Variants in CHD1L observed in about 807,000 individuals in gnomAD.
CHD1L encodes the protein chromodomain helicase DNA binding protein 1 like, also known as ATP-dependent chromatin remodeler CHD1L.
CHD1L carries 118 observed loss-of-function variants against 115.9 expected under a neutral mutation model. The observed-to-expected ratio is 1.02, with a 90% CI of 0.88 to 1.19. The LOEUF (loss-of-function observed/expected upper bound fraction) is 1.19. Ranked by LOEUF, CHD1L falls within the 50% of genes most tolerant of loss-of-function variation. CHD1L has a pLI of 0.00. For synonymous variants in CHD1L, 411 were observed against 387.1 expected, an observed-to-expected ratio of 1.06 and a Z score of -0.72; for missense variants, 1,179 against 1,065.3, an observed-to-expected ratio of 1.11 and a Z score of -1.49.
At chr1:147,187,345 C>T in the CHD1L span, 1 of 786,720 alleles carries the variant, frequency 1.3e-6, no homozygotes. Flanking sequence ...CAATATCAGA[C>T]TAGGAGCTGT....
In CHD1L at chr1:147,294,517, T is replaced by C. The variant is rs782541065; in HGVS notation, c.2615T>C (p.Ile872Thr). ...HLAARGIPTY[I>T]YYFPRSKSAV... is the part of the protein sequence containing the mutation. ...GCTGCAAGAGGCATCCCAACTTACA[T>C]GTATCCTTTTGTGATCTTCATTGTG... Residue 872 changes from isoleucine (I) to threonine (T), a missense_variant and splice_region_variant, in exon 22 of 23, where the codon ATA becomes ACA. Ile to Thr is a moderately conservative substitution (Grantham distance 89). Transcript: ENST00000369258. 8 of 1,607,068 alleles carry C rather than the reference T, an allele frequency of 5.0e-6. No homozygotes were observed. The highest frequency in any genetic ancestry group is 2.2e-5 in the East Asian group (1 of 44,642).
the CHD1L span, among the ~76,000 whole-genome samples, chr1:147,216,403 C>T: frequency 6.6e-6 from 1 of 151,680 alleles, no homozygotes; most frequent in Non-Finnish European, 1.5e-5. Flanking sequence ...CAGAAAGTTA[C>T]TAACACTGAG....
intron 12 of CHD1L, among the ~76,000 whole-genome samples, chr1:147,274,863 T>C (rs1446479393): frequency 6.6e-6 from 1 of 152,196 alleles, no homozygotes; most frequent in Admixed American, 6.5e-5. Flanking sequence ...AGGAGTATAA[T>C]ATCATCCACT....
chr1:147,257,273 A>T (rs1163552363), intron 5 of CHD1L, among the ~76,000 whole-genome samples: 1 of 152,156 alleles, frequency 6.6e-6, no homozygotes, highest in Non-Finnish European at 1.5e-5. Flanking sequence ...TTGTTTTCAA[A>T]GTATTTTATC....
the CHD1L span, among the ~76,000 whole-genome samples, chr1:147,198,854 A>AG: frequency 1.4e-5 from 2 of 143,620 alleles, 1 homozygote; most frequent in Admixed American, 1.4e-4. Flanking sequence ...GCATCTCAAA[A>AG]AAAAAAAAAA....
intron 12 of CHD1L, among the ~76,000 whole-genome samples, chr1:147,273,563 C>G (rs587740030): frequency 1.4e-4 from 21 of 152,278 alleles, no homozygotes; most frequent in African/African-American, 4.8e-4. Context: ...GATCAGTTGC[C>G]TCAGGGTTAG....
At chr1:147,276,302 C>T (rs781802941) in intron 14 of CHD1L, 45 bp downstream of exon 14, 1 of 1,591,864 alleles carries the variant, frequency 6.3e-7, no homozygotes, top group Non-Finnish European at 8.6e-7. Flanking sequence ...ATACCAATAC[C>T]CTTTGTGGAG....
At chr1:147,283,281 T>C (rs1049465347) in intron 15 of CHD1L, among the ~76,000 whole-genome samples, 2 of 152,212 alleles carry the variant, frequency 1.3e-5, no homozygotes, top group Non-Finnish European at 2.9e-5. Flanking sequence ...TGGGTACAAG[T>C]GTGAAGCAAT....
intron 13 of CHD1L, 109 bp downstream of exon 13, chr1:147,275,577 C>G: frequency 1.3e-6 from 1 of 793,460 alleles, no homozygotes; most frequent in Non-Finnish European, 2.1e-6. Context: ...GCTGAGAGAC[C>G]ACCAGGTTTT....
the CHD1L span, among the ~76,000 whole-genome samples, chr1:147,229,662 C>G: frequency 9.7e-4 from 147 of 152,116 alleles, 5 homozygotes; most frequent in South Asian, 0.029. Flanking sequence ...TCTTCCATTT[C>G]TTTGTATCCT....
At chr1:147,191,735 C>A in the CHD1L span, among the ~76,000 whole-genome samples, 1 of 151,886 alleles carries the variant, frequency 6.6e-6, no homozygotes, top group East Asian at 1.9e-4. Context: ...ATATGGCTAG[C>A]CAGTTTTCCC....
chr1:147,286,620 A>C, intron 18 of CHD1L, 120 bp downstream of exon 18: 2 of 865,514 alleles, frequency 2.3e-6, no homozygotes, highest in Non-Finnish European at 3.6e-6. Context: ...CAGTCAAAAA[A>C]GTGTGAATTT....
At chr1:147,233,493 G>A in the CHD1L span, among the ~76,000 whole-genome samples, 12 of 149,028 alleles carry the variant, frequency 8.1e-5, no homozygotes, top group Admixed American at 2.0e-4. Flanking sequence ...CCCCCCGCCC[G>A]GCCAGCCGCC....
chr1:147,242,669 G>A (rs782102989), upstream of CHD1L: 146 of 1,263,410 alleles, frequency 1.2e-4, no homozygotes, highest in Non-Finnish European at 2.0e-5. Context: ...GGAGGTGCGC[G>A]CTTGGCCGCG....
the CHD1L span, among the ~76,000 whole-genome samples, chr1:147,237,438 G>C: frequency 1.3e-5 from 2 of 152,084 alleles, no homozygotes; most frequent in Admixed American, 1.3e-4. Flanking sequence ...GAGAGGGTAG[G>C]GCTCCTGCCT....
At chr1:147,294,187 CAT>C (rs1413609233) in intron 21 of CHD1L, among the ~76,000 whole-genome samples, 5 of 152,198 alleles carry the variant, frequency 3.3e-5, no homozygotes, top group African/African-American at 9.6e-5. Flanking sequence ...CTCCACCAAT[CAT>C]AATCTATTTC....
the CHD1L span, among the ~76,000 whole-genome samples, chr1:147,192,475 C>G: frequency 6.6e-6 from 1 of 152,106 alleles, no homozygotes; most frequent in Non-Finnish European, 1.5e-5. Context: ...AATTTGACTT[C>G]CTCTTTTCCT....
chr1:147,276,386 C>A, intron 14 of CHD1L, 129 bp downstream of exon 14: 2 of 878,846 alleles, frequency 2.3e-6, no homozygotes, highest in Non-Finnish European at 3.5e-6. Context: ...TCCCTCACAC[C>A]TGCCACAGTG....
the CHD1L span, chr1:147,178,183 G>A: frequency 6.2e-7 from 1 of 1,611,780 alleles, no homozygotes; most frequent in Non-Finnish European, 8.5e-7. Flanking sequence ...CCTCGCGGCT[G>A]CCTCCGACGT....
Sources: gnomAD v4.1 joint callset for allele counts (sites outside exome capture counted in the v4.1 genomes callset) on GRCh38, gnomAD v4.1.1 for gene constraint, MANE v1.5 for transcripts, NCBI Gene and HGNC (gene_info 2026-07-23, HGNC 2026-07-21) for gene names.